The following CTNND2 variants were observed in gnomAD, a reference collection of about 807,000 sequenced individuals.
CTNND2 encodes catenin delta-2.
A neutral mutation model predicts 144.4 loss-of-function variants in CTNND2; 22 were observed. That is an observed-to-expected ratio of 0.15 (90% CI 0.11 to 0.22). The LOEUF is 0.22. CTNND2 is among the 10% of genes least tolerant of loss of function. The pLI, the probability that CTNND2 is intolerant of heterozygous loss-of-function variation, is 1.00. For synonymous variants in CTNND2, 751 were observed against 695.6 expected, an observed-to-expected ratio of 1.08 and a Z score of -1.25; for missense variants, 1,353 against 1,618.8, an observed-to-expected ratio of 0.84 and a Z score of 2.82.
chr5:11,670,501 T>A (rs1005340371), intron 2 of CTNND2, among the ~76,000 whole-genome samples: 2 of 152,258 alleles, frequency 1.3e-5, no homozygotes, highest in Non-Finnish European at 2.9e-5. Flanking sequence ...TATCATTATA[T>A]AATGTCCTCC....
intron 2 of CTNND2, among the ~76,000 whole-genome samples, chr5:11,584,266 G>C (rs867594464): frequency 6.6e-6 from 1 of 152,140 alleles, no homozygotes; most frequent in African/African-American, 2.4e-5. Flanking sequence ...GTAGGAACAC[G>C]TATGCAAATG....
At chr5:11,071,573 GA>G (rs34608744) in intron 16 of CTNND2, among the ~76,000 whole-genome samples, 79 of 146,536 alleles carry the variant, frequency 5.4e-4, no homozygotes, top group African/African-American at 1.4e-3. Context: ...TTCAAAAAAC[GA>G]AAAAAAAAAA....
intron 9 of CTNND2, among the ~76,000 whole-genome samples, chr5:11,319,819 C>T (rs573308032): frequency 1.3e-5 from 2 of 151,956 alleles, no homozygotes; most frequent in Non-Finnish European, 2.9e-5. Context: ...CTGTGCATGG[C>T]CTGAAGAAGT....
At chr5:11,456,691 G>A (rs1018466763) in intron 3 of CTNND2, among the ~76,000 whole-genome samples, 2 of 151,936 alleles carry the variant, frequency 1.3e-5, no homozygotes, top group Admixed American at 1.3e-4. Flanking sequence ...CTTTAAAAAA[G>A]GGAAAAATTA....
chr5:11,247,062 G>T (rs1743078249), intron 9 of CTNND2, among the ~76,000 whole-genome samples: 2 of 152,160 alleles, frequency 1.3e-5, no homozygotes, highest in Non-Finnish European at 2.9e-5. Context: ...GCCTGGATGT[G>T]TGCATCTATT....
chr5:11,432,906 T>G (rs1437831800), intron 3 of CTNND2, among the ~76,000 whole-genome samples: 1 of 152,204 alleles, frequency 6.6e-6, no homozygotes, highest in African/African-American at 2.4e-5. Context: ...TTACTCCACA[T>G]TAAGTTTTTC....
intron 18 of CTNND2, among the ~76,000 whole-genome samples, chr5:11,009,694 A>G (rs1010908615): frequency 1.3e-5 from 2 of 152,156 alleles, no homozygotes; most frequent in African/African-American, 4.8e-5. Context: ...GAAATGGTGG[A>G]ATTATAGAGG....
intron 3 of CTNND2, among the ~76,000 whole-genome samples, chr5:11,469,380 T>G (rs935507449): frequency 2.0e-5 from 3 of 152,170 alleles, no homozygotes; most frequent in African/African-American, 4.8e-5. Context: ...ACCCACATTG[T>G]TGGGAGTTGC....
intron 2 of CTNND2, among the ~76,000 whole-genome samples, chr5:11,576,390 C>T (rs1223556403): frequency 1.3e-5 from 2 of 149,440 alleles, no homozygotes; most frequent in Admixed American, 6.7e-5. Flanking sequence ...AAATTACATA[C>T]AATTAAGATT....
intron 1 of CTNND2, among the ~76,000 whole-genome samples, chr5:11,771,141 G>A (rs931462482): frequency 6.7e-6 from 1 of 149,908 alleles, no homozygotes; most frequent in Non-Finnish European, 1.5e-5. Flanking sequence ...CCTTTGATAG[G>A]GTCCAAATTA....
rs372242964 is a variant in CTNND2 at position 11,326,412 on chromosome 5, A to G, written c.1628+19960T>C. On this transcript the variant is annotated intron_variant, in intron 9 of 21. Transcript: ENST00000304623. The stretch of plus-strand genomic sequence containing the variant: ...ACTGTGAGAGGGACATGGAAAAGAG[A>G]GTCAGGGAAGGGCCAGTAGACATTG... 4.6e-5 allele frequency among the ~76,000 whole-genome samples: 7 copies of G among 152,210 alleles called. No homozygotes were observed. The East Asian group carries it at 7.7e-4, about 17-fold the overall frequency.
intron 16 of CTNND2, among the ~76,000 whole-genome samples, chr5:11,071,094 A>T (rs1748222883): frequency 6.6e-6 from 1 of 152,084 alleles, no homozygotes; most frequent in Admixed American, 6.6e-5. Context: ...AAAGAGTAGG[A>T]AGAACACTAG....
intron 21 of CTNND2, among the ~76,000 whole-genome samples, chr5:10,974,699 A>G (rs1018104454): frequency 6.6e-6 from 1 of 152,188 alleles, no homozygotes; most frequent in African/African-American, 2.4e-5. Flanking sequence ...AACACTCTTA[A>G]AGAAATACTG....
chr5:11,329,065 C>T (rs1030367653), intron 9 of CTNND2, among the ~76,000 whole-genome samples: 2 of 152,176 alleles, frequency 1.3e-5, no homozygotes, highest in African/African-American at 4.8e-5. Context: ...TTCTGTATAA[C>T]CACATCTCTG....
chr5:11,870,138 G>T (rs772952117), intron 1 of CTNND2, among the ~76,000 whole-genome samples: 4 of 152,124 alleles, frequency 2.6e-5, no homozygotes, highest in Non-Finnish European at 5.9e-5. Context: ...CTGCGATAGG[G>T]GTTGGGTCCA....
intron 10 of CTNND2, among the ~76,000 whole-genome samples, chr5:11,213,451 T>C (rs1738849760): frequency 6.6e-6 from 1 of 152,220 alleles, no homozygotes; most frequent in African/African-American, 2.4e-5. Flanking sequence ...CAGGGAAATC[T>C]GTCCGCAACA....
At chr5:11,838,805 T>C (rs1331094726) in intron 1 of CTNND2, among the ~76,000 whole-genome samples, 2 of 152,230 alleles carry the variant, frequency 1.3e-5, no homozygotes, top group African/African-American at 4.8e-5. Context: ...CATCTTAAAA[T>C]TATTTGTCAG....
rs1329645284 is a variant in CTNND2 at position 11,098,538 on chromosome 5, C to T, written c.2637+37G>A. On this transcript the variant is annotated intron_variant, in intron 15 of 21. Coordinates refer to ENST00000304623, the MANE Select transcript of CTNND2 (RefSeq NM_001332.4). ...TTGTTTTCTGAGGAGTTGCTCATAACTCCAGATTTCTTTTTATTGTAATGA... is the reference window on the plus strand; with the variant it reads ...TTGTTTTCTGAGGAGTTGCTCATAATTCCAGATTTCTTTTTATTGTAATGA... The T allele has an allele frequency of 5.1e-6, 8 of 1,567,554 alleles. No individual in the cohort carries two copies. The Admixed American group carries it at 9.2e-5, about 18-fold the overall frequency.
At chr5:11,139,521 A>G (rs1344153914) in intron 12 of CTNND2, among the ~76,000 whole-genome samples, 1 of 152,178 alleles carries the variant, frequency 6.6e-6, no homozygotes, top group African/African-American at 2.4e-5. Context: ...GGAATCTTGG[A>G]TGATAGAAGA....
Sources: gnomAD v4.1 joint callset for allele counts (sites outside exome capture counted in the v4.1 genomes callset) on GRCh38, gnomAD v4.1.1 for gene constraint, MANE v1.5 for transcripts, NCBI Gene and HGNC (gene_info 2026-07-23, HGNC 2026-07-21) for gene names.